The following NUBP1 variants were observed in gnomAD, a reference collection of about 807,000 sequenced individuals.
NUBP1 encodes NUBP iron-sulfur cluster assembly factor 1, cytosolic, also known as cytosolic Fe-S cluster assembly factor NUBP1.
In NUBP1, 46 loss-of-function variants were observed where a neutral mutation model predicts 41.8. That is an observed-to-expected ratio of 1.10 (90% CI 0.87 to 1.41). NUBP1 has a LOEUF of 1.41. NUBP1 is among the 40% of genes most tolerant of loss of function. The probability of loss-of-function intolerance (pLI) is 0.00; values close to 1 mark genes in which losing one functional copy is unlikely to be tolerated. For missense variants in NUBP1, 494 were observed against 414.0 expected (o/e 1.19, Z -1.68); for synonymous variants, 189 against 154.6 (o/e 1.22, Z -1.65).
chr16:10,743,870 G>A lies in NUBP1; in HGVS notation c.7G>A (p.Glu3Lys). ME[E>K]VPHDCPGADS... is the part of the protein sequence containing the mutation. ...AGGCGGCAAAGGCGACGGAATGGAGGAGGTGCCTCACGGTAAGCTCGCGGA... is the reference window on the plus strand; with the variant it reads ...AGGCGGCAAAGGCGACGGAATGGAGAAGGTGCCTCACGGTAAGCTCGCGGA... The change falls in exon 1 of 11, where the codon GAG (glutamate) becomes AAG (lysine). Residue 3 changes from glutamate (E) to lysine (K), a missense_variant. Glu to Lys is a moderately conservative substitution (Grantham distance 56). Transcript: ENST00000283027. 2.6e-6 allele frequency: 4 copies of A among 1,566,706 alleles called. No individual in the cohort carries two copies. The highest frequency in any genetic ancestry group is 3.5e-6 in the Non-Finnish European group (4 of 1,156,558).
At chr16:10,758,939 C>T (rs1900756776) in intron 7 of NUBP1, among the ~76,000 whole-genome samples, 1 of 152,188 alleles carries the variant, frequency 6.6e-6, no homozygotes, top group Admixed American at 6.5e-5. Flanking sequence ...CTGCAGAGAG[C>T]AACTGCAGGC....
chr16:10,753,114 T>C (rs1262993661), intron 4 of NUBP1, among the ~76,000 whole-genome samples: 1 of 121,912 alleles, frequency 8.2e-6, no homozygotes, highest in African/African-American at 4.9e-5. Context: ...TATGTGGACA[T>C]GAGGAGCTCA....
Position 10,767,522 on chromosome 16 carries a change from T to A in NUBP1, c.821-427T>A, listed in dbSNP as rs1345456630. 2 of 439,118 alleles carry A rather than the reference T, an allele frequency of 4.6e-6. No individual in the cohort carries two copies. Among genetic ancestry groups the A allele is most frequent in the Non-Finnish European group, 8.0e-6 (2 of 251,022 alleles). 27.2% of individuals were successfully genotyped at this position (439,118 alleles called of 1,614,324 possible). A position where few individuals can be genotyped will look rare whatever the true frequency, so the allele number is the denominator to read the frequency against. ...AGTGTGCACATTTATATGCGCATAA[T>A]CTTTCTGGAAAGACACCTAGAACAC... is the stretch of plus-strand genomic sequence containing the variant. On this transcript the variant is annotated intron_variant, in intron 9 of 10. Transcript: ENST00000283027. The surrounding 1 kb of genome is among the most constrained non-coding windows in gnomAD (Gnocchi z 4.6).
intron 3 of NUBP1, among the ~76,000 whole-genome samples, chr16:10,748,573 C>G (rs1387405834): frequency 6.6e-6 from 1 of 152,188 alleles, no homozygotes; most frequent in Non-Finnish European, 1.5e-5. Context: ...CTTACTCTGC[C>G]TCCGTTTTCT....
At chr16:10,762,956 C>T (rs1378988185) in intron 9 of NUBP1, among the ~76,000 whole-genome samples, 1 of 151,516 alleles carries the variant, frequency 6.6e-6, no homozygotes, top group African/African-American at 2.4e-5. Context: ...GAACAGGAGG[C>T]TCAGGAGTGG....
At position 10,767,802 on chromosome 16, in the gene NUBP1, A is replaced by G. The variant is rs1038003528; in HGVS notation, c.821-147A>G. The G allele has an allele frequency of 8.7e-6, 6 of 688,918 alleles. No individual in the cohort carries two copies. Among genetic ancestry groups the G allele is most frequent in the Middle Eastern group, 4.9e-4 (2 of 4,074 alleles). 42.7% of individuals were successfully genotyped at this position (688,918 alleles called of 1,614,324 possible). On this transcript the variant is annotated intron_variant, in intron 9 of 10. Coordinates refer to ENST00000283027, the MANE Select transcript of NUBP1 (RefSeq NM_002484.4). The surrounding 1 kb of genome is among the most constrained non-coding windows in gnomAD (Gnocchi z 4.6). ...CTGGAAGGAAGGTCCCTGAGACCCC[A>G]CTGGTCTTTTCTACTTTGTTCTTCA...
intron 4 of NUBP1, among the ~76,000 whole-genome samples, chr16:10,755,438 A>AGAC (rs1392752896): frequency 6.6e-6 from 1 of 152,210 alleles, no homozygotes; most frequent in Non-Finnish European, 1.5e-5. Flanking sequence ...AAGATACCTT[A>AGAC]GACACAACAT....
chr16:10,750,772 A>C (rs1178055944), intron 3 of NUBP1, among the ~76,000 whole-genome samples: 1 of 152,164 alleles, frequency 6.6e-6, no homozygotes, highest in African/African-American at 2.4e-5. Context: ...AGTTAGGACT[A>C]AATCCCTCTT....
At chr16:10,752,805 T>C in intron 4 of NUBP1, 127 bp downstream of exon 4, 1 of 834,672 alleles carries the variant, frequency 1.2e-6, no homozygotes, top group Non-Finnish European at 1.9e-6. Context: ...TTTTGTTTTG[T>C]TGTTTTTGAG....
chr16:10,753,799 G>A (rs1900431091), intron 4 of NUBP1, among the ~76,000 whole-genome samples: 1 of 152,092 alleles, frequency 6.6e-6, no homozygotes, highest in African/African-American at 2.4e-5. Flanking sequence ...GGAGAGCTGG[G>A]GGAAGGGCAT....
At chr16:10,761,665 T>C (rs79754840) in intron 8 of NUBP1, 92 bp from the exon 9 acceptor site, 2 of 173,182 alleles carry the variant, frequency 1.2e-5, no homozygotes, top group Non-Finnish European at 2.2e-5. Flanking sequence ...AAACTAAGCC[T>C]TTTTTTTTTT....
Position 10,768,965 on chromosome 16 carries a change from C to A in NUBP1, c.905-82C>A. 3 of 1,278,964 alleles carry A rather than the reference C, an allele frequency of 2.3e-6. No homozygotes were observed. Among genetic ancestry groups the A allele is most frequent in the Non-Finnish European group, 3.4e-6 (3 of 883,864 alleles). The allele number at this position is 1,278,964 out of a possible 1,614,324, so 79.2% of individuals were successfully genotyped here. A position where few individuals can be genotyped will look rare whatever the true frequency, so the allele number is the denominator to read the frequency against. ...CCAGAGGATTCCACCCCTGTCAAAA[C>A]ACAGCCCTCCCCAGCACAGGACAGG... On this transcript the variant is annotated intron_variant, in intron 10 of 10. Transcript: ENST00000283027. The surrounding 1 kb of genome is among the most constrained non-coding windows in gnomAD (Gnocchi z 4.3).
chr16:10,756,872 C>T (rs755970351), intron 6 of NUBP1, 92 bp downstream of exon 6: 23 of 950,804 alleles, frequency 2.4e-5, no homozygotes, highest in Non-Finnish European at 2.2e-5. Flanking sequence ...CAGTCTCAGC[C>T]TGCTGGACTT....
chr16:10,746,410 C>A (rs1315612349), intron 2 of NUBP1, among the ~76,000 whole-genome samples: 1 of 152,166 alleles, frequency 6.6e-6, no homozygotes, highest in Non-Finnish European at 1.5e-5. Flanking sequence ...TGGGCTGTAC[C>A]CATTAAATGC....
At position 10,747,247 on chromosome 16, in the gene NUBP1, C is replaced by T. The variant is rs1276079986; in HGVS notation, c.229C>T (p.His77Tyr). 9 of 1,614,144 alleles carry T rather than the reference C, an allele frequency of 5.6e-6. No homozygotes were observed. The highest frequency in any genetic ancestry group is 7.6e-6 in the Non-Finnish European group (9 of 1,180,032). The change falls in exon 3 of 11, where the codon CAT (histidine) becomes TAT (tyrosine). Residue 77 changes from histidine to tyrosine, a missense_variant. His to Tyr is a moderately conservative substitution (Grantham distance 83). Coordinates refer to ENST00000283027, the MANE Select transcript of NUBP1 (RefSeq NM_002484.4). Reference sequence around the variant, plus strand: ...AAGCACATTCAGCGCCCACCTTGCCCATGGCCTAGCAGAGGATGAAAACAC... The same window carrying T: ...AAGCACATTCAGCGCCCACCTTGCCTATGGCCTAGCAGAGGATGAAAACAC... ...GKSTFSAHLA[H>Y]GLAEDENTQI...
chr16:10,747,105 G>A, intron 2 of NUBP1, 38 bp from the exon 3 acceptor site: 4 of 1,611,468 alleles, frequency 2.5e-6, no homozygotes, highest in Non-Finnish European at 3.4e-6. Context: ...GAGGTTTGGT[G>A]TGGGACCTCA....
Position 10,743,993 on chromosome 16 carries a change from A to G in NUBP1, c.52A>G (p.Arg18Gly), listed in dbSNP as rs1350837137. Residue 18 changes from arginine to glycine, a missense_variant, in exon 2 of 11, where the codon AGA (arginine) becomes GGA (glycine). Arg to Gly is a moderately radical substitution (Grantham distance 125, BLOSUM62 -2). Coordinates refer to ENST00000283027, the MANE Select transcript of NUBP1 (RefSeq NM_002484.4). ...CPGADSAQAG[R>G]GASCQGCPNQ... Reference sequence around the variant, plus strand: ...AGGGGCCGACAGCGCCCAGGCGGGCAGAGGGGCTTCATGTCAGGGATGCCC... The same window carrying G: ...AGGGGCCGACAGCGCCCAGGCGGGCGGAGGGGCTTCATGTCAGGGATGCCC... 3 of 1,583,296 alleles carry G rather than the reference A, an allele frequency of 1.9e-6. No homozygotes were observed. The African/African-American group carries it at 4.1e-5, about 22-fold the overall frequency.
chr16:10,767,508 T>G lies in NUBP1; in HGVS notation c.821-441T>G. 2.3e-6 allele frequency: 1 copy of G among 435,970 alleles called. No individual in the cohort carries two copies. The highest frequency in any genetic ancestry group is 3.3e-5 in the East Asian group (1 of 29,910). The allele number at this position is 435,970 out of a possible 1,614,324, so 27.0% of individuals were successfully genotyped here. A position where few individuals can be genotyped will look rare whatever the true frequency, so the allele number is the denominator to read the frequency against. ...TGCGCACACATGCAAGTGTGCACATTTATATGCGCATAATCTTTCTGGAAA... is the reference window on the plus strand; with the variant it reads ...TGCGCACACATGCAAGTGTGCACATGTATATGCGCATAATCTTTCTGGAAA... On this transcript the variant is annotated intron_variant, in intron 9 of 10. Transcript: ENST00000283027. The surrounding 1 kb of genome is among the most constrained non-coding windows in gnomAD (Gnocchi z 4.6).
intron 4 of NUBP1, among the ~76,000 whole-genome samples, chr16:10,753,072 G>A (rs1283014799): frequency 6.6e-6 from 1 of 152,154 alleles, no homozygotes; most frequent in African/African-American, 2.4e-5. Flanking sequence ...AGGATTACAG[G>A]CGTGAGCCAC....
Sources: gnomAD v4.1 joint callset for allele counts (sites outside exome capture counted in the v4.1 genomes callset) on GRCh38, gnomAD v4.1.1 for gene constraint, Gnocchi (gnomAD v3.1) non-coding constraint, MANE v1.5 for transcripts, NCBI Gene and HGNC (gene_info 2026-07-23, HGNC 2026-07-21) for gene names.